ARLN: variants seen among roughly 807,000 people sequenced by gnomAD.
ARLN encodes the protein allregulin.
chr4:119,296,981 CTA>C, the ARLN span: 4 of 152,206 alleles, frequency 2.6e-5, no homozygotes, highest in South Asian at 2.1e-4. Context: ...TAACAGTAAA[CTA>C]TGTGAGAACT....
chr4:119,300,323 T>C, the ARLN span: 1 of 1,598,628 alleles, frequency 6.3e-7, no homozygotes, highest in Admixed American at 1.7e-5. Context: ...AATTTTGCAT[T>C]CGAGATACTC....
the ARLN span, chr4:119,300,634 C>T: frequency 1.9e-6 from 3 of 1,586,682 alleles, no homozygotes; most frequent in South Asian, 3.4e-5. Context: ...AGTCCGGCCG[C>T]CTGCGCAGTG....
chr4:119,297,303 CAG>C, the ARLN span: 2 of 152,226 alleles, frequency 1.3e-5, no homozygotes, highest in Admixed American at 6.5e-5. Flanking sequence ...GGAAGATATA[CAG>C]AGAGTTTACC....
At chr4:119,299,792 T>C in the ARLN span, among the ~76,000 whole-genome samples, 1 of 152,206 alleles carries the variant, frequency 6.6e-6, no homozygotes, top group South Asian at 2.1e-4. Flanking sequence ...ATGGTAACGC[T>C]GCAAGGCAAG....
At chr4:119,298,756 T>C in the ARLN span, 25 of 773,876 alleles carry the variant, frequency 3.2e-5, no homozygotes, top group Non-Finnish European at 5.8e-5. Context: ...ACCAACTTCT[T>C]AATTTAGATA....
chr4:119,301,697 G>A, the ARLN span, among the ~76,000 whole-genome samples: 1 of 152,028 alleles, frequency 6.6e-6, no homozygotes, highest in African/African-American at 2.4e-5. Flanking sequence ...TTAAATCGTC[G>A]TAAAACCTCT....
At chr4:119,304,038 A>G in the ARLN span, among the ~76,000 whole-genome samples, 1 of 152,230 alleles carries the variant, frequency 6.6e-6, no homozygotes, top group Non-Finnish European at 1.5e-5. Flanking sequence ...TCTTTGCTCC[A>G]GTCAGAGTGC....
the ARLN span, chr4:119,300,773 T>TG: frequency 6.8e-7 from 1 of 1,464,140 alleles, no homozygotes; most frequent in African/African-American, 1.4e-5. Context: ...ACTAAGTCAA[T>TG]GGGCCCGCCT....
the ARLN span, chr4:119,297,517 A>AC: frequency 2.6e-5 from 4 of 152,366 alleles, no homozygotes; most frequent in East Asian, 7.7e-4. Flanking sequence ...ATCTTGGCTC[A>AC]CTGCAACCTC....
At chr4:119,300,824 C>G in the ARLN span, 2 of 1,436,920 alleles carry the variant, frequency 1.4e-6, no homozygotes, top group South Asian at 1.5e-5. Flanking sequence ...GCTGGTTATT[C>G]AGGTTTCGTT....
chr4:119,300,440 A>G, the ARLN span: 2 of 1,614,054 alleles, frequency 1.2e-6, no homozygotes, highest in South Asian at 1.1e-5. Flanking sequence ...CCCCAGACTG[A>G]GGCCTCACAT....
chr4:119,300,836 G>A, the ARLN span: 1 of 1,432,758 alleles, frequency 7.0e-7, no homozygotes, highest in African/African-American at 1.4e-5. Context: ...GGTTTCGTTG[G>A]AAGAAATACG....
chr4:119,302,739 C>G, the ARLN span, among the ~76,000 whole-genome samples: 3 of 152,310 alleles, frequency 2.0e-5, no homozygotes, highest in Admixed American at 2.0e-4. Context: ...TTCCATAATT[C>G]TGTCAGCACA....
the ARLN span, chr4:119,300,655 C>T: frequency 5.8e-6 from 9 of 1,560,822 alleles, 1 homozygote; most frequent in South Asian, 1.2e-5. Flanking sequence ...CGCCGCGCCC[C>T]GGGTTCCGGA....
At chr4:119,300,196 C>G in the ARLN span, 5 of 703,920 alleles carry the variant, frequency 7.1e-6, no homozygotes, top group African/African-American at 8.9e-5. Context: ...TTCTCCCCCA[C>G]CCACCCGACT....
At chr4:119,302,174 G>A in the ARLN span, among the ~76,000 whole-genome samples, 9 of 152,166 alleles carry the variant, frequency 5.9e-5, no homozygotes, top group African/African-American at 2.2e-4. Flanking sequence ...GAGATTATTA[G>A]TGTTGAAGAA....
the ARLN span, among the ~76,000 whole-genome samples, chr4:119,299,479 C>T: frequency 2.6e-5 from 4 of 152,232 alleles, no homozygotes; most frequent in African/African-American, 4.8e-5. Context: ...ATGGGCTACA[C>T]TGCTCTTCTC....
the ARLN span, chr4:119,298,826 G>C: frequency 1.3e-6 from 1 of 767,350 alleles, no homozygotes. Flanking sequence ...TATCTTCCCA[G>C]TTTTTAACAC....
the ARLN span, among the ~76,000 whole-genome samples, chr4:119,303,021 C>G: frequency 2.6e-5 from 4 of 152,092 alleles, no homozygotes; most frequent in African/African-American, 4.8e-5. Flanking sequence ...ATAACCTCTC[C>G]AACAGTGGAG....
Sources: gnomAD v4.1 joint callset for allele counts (sites outside exome capture counted in the v4.1 genomes callset) on GRCh38, gnomAD v4.1.1 for gene constraint, MANE v1.5 for transcripts, NCBI Gene and HGNC (gene_info 2026-07-23, HGNC 2026-07-21) for gene names.